The following ZNF709 variants were observed in gnomAD, a reference collection of about 807,000 sequenced individuals.
The protein encoded by ZNF709 is zinc finger protein 709.
In ZNF709, 15 loss-of-function variants were observed where a neutral mutation model predicts 10.6. The ratio of observed to expected loss-of-function variants is 1.41; its 90% CI spans 0.95 to 2.18. ZNF709 has a LOEUF of 2.18. ZNF709 is among the 30% of genes most tolerant of loss of function. The probability of loss-of-function intolerance (pLI) is 0.00; values close to 1 mark genes in which losing one functional copy is unlikely to be tolerated. For synonymous variants in ZNF709, 194 were observed against 238.8 expected, an observed-to-expected ratio of 0.81 and a Z score of 1.73; for missense variants, 589 against 774.0, an observed-to-expected ratio of 0.76 and a Z score of 2.84.
intron 1 of ZNF709, among the ~76,000 whole-genome samples, chr19:12,467,296 C>T (rs1334738482): frequency 1.3e-5 from 2 of 152,208 alleles, no homozygotes; most frequent in African/African-American, 2.4e-5. Context: ...CGCGCCGCCA[C>T]GCCTGACTGG....
Position 12,464,980 on chromosome 19 carries a change from C to G in ZNF709, c.942G>C (p.Gly314=), listed in dbSNP as rs146893642. ...GEKPYKCKKC[G]KAFSFPSSFR... is the part of the protein sequence containing the mutation. Reference sequence around the variant, plus strand: ...AGGAACTAGGAAAACTGAAGGCTTTCCCACATTTTTTACATTTATAGGGTT... The same window carrying G: ...AGGAACTAGGAAAACTGAAGGCTTTGCCACATTTTTTACATTTATAGGGTT... The change falls in exon 4 of 4, where the codon GGG becomes GGC. Residue 314 remains glycine (G), a synonymous_variant. Coordinates refer to ENST00000397732, the MANE Select transcript of ZNF709 (RefSeq NM_152601.4). 7.5e-4 allele frequency: 1,207 copies of G among 1,604,638 alleles called. 6 individuals are homozygous for G. The African/African-American group carries it at 0.014, about 18-fold the overall frequency.
At position 12,466,768 on chromosome 19, in the gene ZNF709, T is replaced by C. The variant is rs1425838270; in HGVS notation, c.86A>G (p.Tyr29Cys). The change falls in exon 2 of 4, where the codon TAC becomes TGC. Residue 29 changes from tyrosine to cysteine, a missense_variant. Physicochemically the swap from Tyr to Cys is radical, Grantham distance 194. Transcript: ENST00000397732. The stretch of plus-strand genomic sequence containing the variant: ...AAAGGTTTCTTGCATCACATCTCTG[T>C]AGAGTTTCTTCTGAGAGGGACCCAG... ...ALLGPSQKKL[Y>C]RDVMQETFVN... is the part of the protein sequence containing the mutation. The C allele has an allele frequency of 2.5e-6, 4 of 1,614,050 alleles. No homozygotes were observed. Among genetic ancestry groups the C allele is most frequent in the South Asian group, 1.1e-5 (1 of 91,086 alleles).
At chr19:12,482,464 T>A (rs1970737810) in intron 1 of ZNF709, among the ~76,000 whole-genome samples, 1 of 152,124 alleles carries the variant, frequency 6.6e-6, no homozygotes. Context: ...TCAATTGTTG[T>A]AAGTGAGGAA....
rs955397084 is a variant in ZNF709 at position 12,463,452 on chromosome 19, C to T, written c.*544G>A. 2.0e-5 allele frequency: 3 copies of T among 152,190 alleles called. No homozygotes were observed. The highest frequency in any genetic ancestry group is 7.2e-5 in the African/African-American group (3 of 41,444). 9.4% of individuals were successfully genotyped at this position (152,190 alleles called of 1,614,324 possible). On this transcript the variant is annotated 3_prime_UTR_variant, in exon 4 of 4. Coordinates refer to ENST00000397732, the MANE Select transcript of ZNF709 (RefSeq NM_152601.4). Reference sequence around the variant, plus strand: ...ATAGGGCATATGAAAATTCTTTACACTTCATATGCCTTCTCATGGTCCTTA... The same window carrying T: ...ATAGGGCATATGAAAATTCTTTACATTTCATATGCCTTCTCATGGTCCTTA...
chr19:12,480,643 A>C (rs1042181752), intron 1 of ZNF709, among the ~76,000 whole-genome samples: 10 of 150,724 alleles, frequency 6.6e-5, no homozygotes, highest in Admixed American at 2.0e-4. Flanking sequence ...AGATCGCGCC[A>C]CTGCACTCTA....
chr19:12,472,521 CAAA>C (rs34678727), intron 1 of ZNF709, among the ~76,000 whole-genome samples: 1 of 84,692 alleles, frequency 1.2e-5, no homozygotes, highest in Non-Finnish European at 2.1e-5. Context: ...GACTCCATCT[CAAA>C]AAAAAAAAAA....
chr19:12,466,434 A>G (rs1319065209), intron 3 of ZNF709, 28 bp downstream of exon 3: 3 of 1,598,282 alleles, frequency 1.9e-6, no homozygotes, highest in Non-Finnish European at 1.7e-6. Flanking sequence ...CTCATAAGAC[A>G]GTATTTTCTT....
chr19:12,472,912 T>A (rs1395764493), intron 1 of ZNF709, among the ~76,000 whole-genome samples: 1 of 151,858 alleles, frequency 6.6e-6, no homozygotes, highest in Non-Finnish European at 1.5e-5. Flanking sequence ...TACATCTCGC[T>A]CCTTCCTTGA....
Position 12,466,809 on chromosome 19 carries a change from C to G in ZNF709, c.45G>C (p.Gln15His), listed in dbSNP as rs758938347. 1 of 1,614,048 alleles carries G rather than the reference C, an allele frequency of 6.2e-7. No individual in the cohort carries two copies. ...VFEDVAVNFTQEEWALLGPSQ... is the reference protein window; with the variant it reads ...VFEDVAVNFTHEEWALLGPSQ... Reference sequence around the variant, plus strand: ...AGGGACCCAGCAAAGCCCACTCCTCCTGGGTGAAGTTCACAGCCACATCCT... The same window carrying G: ...AGGGACCCAGCAAAGCCCACTCCTCGTGGGTGAAGTTCACAGCCACATCCT... The change falls in exon 2 of 4, where the codon CAG (glutamine) becomes CAC (histidine). Residue 15 changes from glutamine to histidine, a missense_variant. Gln to His is a conservative substitution (Grantham distance 24). Around this residue, in one of 2 missense-constraint regions of ZNF709, gnomAD observed 418 missense variants for 496.3 expected, o/e 0.84. Coordinates refer to ENST00000397732, the MANE Select transcript of ZNF709 (RefSeq NM_152601.4).
rs544289399 is a variant in ZNF709, at chr19:12,466,473, C to A, written c.177G>T (p.Gly59=). The A allele has an allele frequency of 6.2e-7, 1 of 1,613,978 alleles. No individual in the cohort carries two copies. The highest frequency in any genetic ancestry group is 1.1e-5 in the South Asian group (1 of 91,078). The part of the protein sequence containing the change: ...EKNIEDHKNQ[G]RKLRSHMVER... ...TAAGTACAACTCACCTTAGCTTTCT[C>A]CCCTGATTTTTGTGATCTTCAATGT... is the stretch of plus-strand genomic sequence containing the variant. The change falls in exon 3 of 4, where the codon GGG becomes GGT. Residue 59 remains glycine, a synonymous_variant. Coordinates refer to ENST00000397732, the MANE Select transcript of ZNF709 (RefSeq NM_152601.4).
Position 12,484,530 on chromosome 19 carries a change from G to A in ZNF709, c.3+125C>T. 3.8e-6 allele frequency: 5 copies of A among 1,329,130 alleles called. No homozygotes were observed. The South Asian group carries it at 5.3e-5, about 14-fold the overall frequency. The allele number at this position is 1,329,130 out of a possible 1,614,324, so 82.3% of individuals were successfully genotyped here. A position where few individuals can be genotyped will look rare whatever the true frequency, so the allele number is the denominator to read the frequency against. On this transcript the variant is annotated intron_variant, in intron 1 of 3. Transcript: ENST00000397732. ...GAGACCGAGGGCCGAGCTGCGCCAG[G>A]AGGACTCGGGTCCACAGACCCGGGA... is the stretch of plus-strand genomic sequence containing the variant.
chr19:12,478,242 T>C lies in ZNF709; in HGVS notation c.3+6413A>G, dbSNP rs530827444. Among the ~76,000 whole-genome samples the C allele has an allele frequency of 3.9e-5, 6 of 152,294 alleles. No homozygotes were observed. In the South Asian group the frequency reaches 1.2e-3, roughly 32 times the overall value. On this transcript the variant is annotated intron_variant, in intron 1 of 3. Transcript: ENST00000397732. ...ACCTTGTATGCCAGGTCAGCAGCAG[T>C]CACAGCTTCACTCTAAAACACACAG...
At chr19:12,477,536 T>C (rs1229775604) in intron 1 of ZNF709, among the ~76,000 whole-genome samples, 1 of 152,228 alleles carries the variant, frequency 6.6e-6, no homozygotes, top group African/African-American at 2.4e-5. Flanking sequence ...TTCTATTTTA[T>C]ATTCAGTAAC....
intron 1 of ZNF709, among the ~76,000 whole-genome samples, chr19:12,467,217 C>A (rs1349361833): frequency 6.6e-6 from 1 of 152,226 alleles, no homozygotes; most frequent in Non-Finnish European, 1.5e-5. Context: ...GCTGCCATCT[C>A]GGCACACTGC....
At chr19:12,480,949 A>ATT (rs547391775) in intron 1 of ZNF709, among the ~76,000 whole-genome samples, 8 of 141,110 alleles carry the variant, frequency 5.7e-5, no homozygotes, top group Admixed American at 7.1e-5. Context: ...CACTTGGCTA[A>ATT]TTTTTTTTTT....
intron 1 of ZNF709, among the ~76,000 whole-genome samples, chr19:12,483,587 A>C (rs1219611495): frequency 1.3e-5 from 2 of 151,836 alleles, no homozygotes; most frequent in African/African-American, 4.8e-5. Context: ...CCGAGGCTGT[A>C]GTGCAGTGGC....
At position 12,477,753 on chromosome 19, in the gene ZNF709, A is replaced by G. The variant is rs186764014; in HGVS notation, c.3+6902T>C. Among the ~76,000 whole-genome samples the G allele has an allele frequency of 2.0e-3, 300 of 152,252 alleles. 1 individual carries two copies. The highest frequency in any genetic ancestry group is 6.9e-3 in the African/African-American group (287 of 41,546). On this transcript the variant is annotated intron_variant, in intron 1 of 3. Coordinates refer to ENST00000397732, the MANE Select transcript of ZNF709 (RefSeq NM_152601.4). Reference sequence around the variant, plus strand: ...TCCTTTAGTCTATTTGGAATTTCCAATTGGGTCAAATTGTGGACCTCTTTT... The same window carrying G: ...TCCTTTAGTCTATTTGGAATTTCCAGTTGGGTCAAATTGTGGACCTCTTTT...
In ZNF709 at chr19:12,464,984, C is replaced by A. The variant is rs1341548133; in HGVS notation, c.938G>T (p.Cys313Phe). Reference sequence around the variant, plus strand: ...ACTAGGAAAACTGAAGGCTTTCCCACATTTTTTACATTTATAGGGTTTTTC... The same window carrying A: ...ACTAGGAAAACTGAAGGCTTTCCCAAATTTTTTACATTTATAGGGTTTTTC... ...TGEKPYKCKK[C>F]GKAFSFPSSF... The change falls in exon 4 of 4, where the codon TGT becomes TTT. Residue 313 changes from cysteine (C) to phenylalanine (F), a missense_variant. By Grantham distance (205) the Cys-to-Phe change is radical. Transcript: ENST00000397732. 6.2e-7 allele frequency: 1 copy of A among 1,606,114 alleles called. No homozygotes were observed. The highest frequency in any genetic ancestry group is 2.2e-5 in the East Asian group (1 of 44,810).
chr19:12,467,535 G>A (rs1019501677), intron 1 of ZNF709, among the ~76,000 whole-genome samples: 19 of 152,232 alleles, frequency 1.2e-4, no homozygotes, highest in African/African-American at 4.1e-4. Context: ...CCAAAGTGCC[G>A]AGACTGCAGC....
Sources: allele counts gnomAD v4.1 joint callset (sites outside exome capture counted in the v4.1 genomes callset), GRCh38; gene constraint gnomAD v4.1.1; regional missense constraint gnomAD v4.1.1; transcripts MANE v1.5; gene names NCBI Gene and HGNC (gene_info 2026-07-23, HGNC 2026-07-21).